Variants in ANKRD13A observed in about 807,000 individuals in gnomAD.
The protein encoded by ANKRD13A is ankyrin repeat domain 13A, also known as ankyrin repeat domain-containing protein 13A.
A neutral mutation model predicts 81.3 loss-of-function variants in ANKRD13A; 48 were observed. The observed-to-expected ratio is 0.59, with a 90% CI of 0.47 to 0.75. The LOEUF is 0.75. Among genes scored for constraint, ANKRD13A ranks in the 30% least tolerant of loss-of-function variants. ANKRD13A has a pLI of 0.00. For missense variants in ANKRD13A, 612 were observed against 734.0 expected (o/e 0.83, Z 1.92); for synonymous variants, 230 against 270.1 (o/e 0.85, Z 1.45).
chr12:109,999,290 CT>C (rs1566040544), upstream of ANKRD13A: 1 of 152,612 alleles, frequency 6.6e-6, no homozygotes, highest in African/African-American at 2.4e-5. This position sits in a 1 kb window ranked among gnomAD's most constrained non-coding sequence, Gnocchi z 4.3. Context: ...GTTCTGTGGG[CT>C]GCACTGAGTT....
chr12:110,025,965 T>TCTC, intron 8 of ANKRD13A, 142 bp downstream of exon 8: 2 of 166,722 alleles, frequency 1.2e-5, no homozygotes, highest in Non-Finnish European at 2.4e-5. Flanking sequence ...TCTCTCTCTC[T>TCTC]TTTTTTTTTT....
chr12:110,037,326 T>G (rs760553161), intron 14 of ANKRD13A, 33 bp from the exon 15 acceptor site: 3 of 1,592,118 alleles, frequency 1.9e-6, no homozygotes, highest in Non-Finnish European at 2.6e-6. Flanking sequence ...ATGATAGTAG[T>G]GACTCTCCCT....
At chr12:110,014,410 T>A (rs1890686017) in intron 3 of ANKRD13A, among the ~76,000 whole-genome samples, 1 of 152,142 alleles carries the variant, frequency 6.6e-6, no homozygotes, top group East Asian at 1.9e-4. Context: ...AGACTCCATC[T>A]CAAAAAATAA....
chr12:110,034,119 A>C (rs556002491), intron 13 of ANKRD13A, among the ~76,000 whole-genome samples, 162 bp downstream of exon 13: 35 of 152,270 alleles, frequency 2.3e-4, no homozygotes, highest in Admixed American at 1.6e-3. Context: ...TTCTTACAAA[A>C]GCTTGTTATG....
At chr12:110,029,760 C>A in intron 11 of ANKRD13A, 125 bp downstream of exon 11, 1 of 1,013,572 alleles carries the variant, frequency 9.9e-7, no homozygotes. Flanking sequence ...ATAGACATAA[C>A]AGAGGAGGTC....
chr12:110,016,549 T>C (rs527891439), intron 4 of ANKRD13A, 116 bp downstream of exon 4: 4 of 948,828 alleles, frequency 4.2e-6, no homozygotes, highest in Non-Finnish European at 6.1e-6. Flanking sequence ...AGGAAATACA[T>C]AGTGAAGAAT....
At chr12:110,024,244 C>T (rs1891212772) in intron 7 of ANKRD13A, 132 bp downstream of exon 7, 1 of 785,328 alleles carries the variant, frequency 1.3e-6, no homozygotes, top group South Asian at 2.0e-5. Context: ...TCTAATGTGT[C>T]TCTCACTTGG....
chr12:110,034,447 G>T (rs969280903), intron 13 of ANKRD13A, among the ~76,000 whole-genome samples: 1 of 152,090 alleles, frequency 6.6e-6, no homozygotes, highest in African/African-American at 2.4e-5. Context: ...TAGGCTTTGT[G>T]TGTGTGTGTG....
At position 110,012,056 on chromosome 12, in the gene ANKRD13A, T is replaced by A; in HGVS notation, c.148T>A (p.Ser50Thr). The A allele has an allele frequency of 6.2e-7, 1 of 1,613,592 alleles. No individual in the cohort carries two copies. ...TCGAACATTATTGCATCTTGCTGTT[T>A]CCTTGGGACATTTGGAATCTGCTCG... ...RGRTLLHLAV[S>T]LGHLESARVL... Residue 50 changes from serine (S) to threonine (T), a missense_variant, in exon 2 of 15, where the codon TCC becomes ACC. Ser to Thr is a moderately conservative substitution (Grantham distance 58, BLOSUM62 1). Transcript: ENST00000261739.
chr12:110,036,302 A>G lies in ANKRD13A; in HGVS notation c.1551A>G (p.Thr517=). 1.2e-6 allele frequency: 2 copies of G among 1,614,070 alleles called. No homozygotes were observed. The highest frequency in any genetic ancestry group is 1.7e-6 in the Non-Finnish European group (2 of 1,179,930). ...CTTCGAATGGAGGGATCAGCCAGAC[A>G]AACACCTATGACGCCCAGTATGAGA... is the stretch of plus-strand genomic sequence containing the variant. The part of the protein sequence containing the change: ...GPASNGGISQ[T]NTYDAQYERA... The change falls in exon 14 of 15, where the codon ACA becomes ACG. Residue 517 remains threonine, a synonymous_variant. Transcript: ENST00000261739. The surrounding 1 kb of genome is among the most constrained non-coding windows in gnomAD (Gnocchi z 4.6).
At chr12:110,024,353 A>C (rs1036491016) in intron 7 of ANKRD13A, among the ~76,000 whole-genome samples, 1 of 152,034 alleles carries the variant, frequency 6.6e-6, no homozygotes, top group Non-Finnish European at 1.5e-5. Context: ...TAGAGAAATG[A>C]GTACAGGTAC....
intron 1 of ANKRD13A, among the ~76,000 whole-genome samples, chr12:110,005,973 C>T (rs550186276): frequency 1.3e-5 from 2 of 152,100 alleles, no homozygotes; most frequent in South Asian, 2.1e-4. Flanking sequence ...TGCACCACCA[C>T]GCCTGGCTAA....
In ANKRD13A at chr12:110,024,040, T is replaced by TA. The variant is rs754154755; in HGVS notation, c.735-5dup. On this transcript the variant is annotated splice_region_variant and splice_polypyrimidine_tract_variant and intron_variant, in intron 6 of 14. Transcript: ENST00000261739. The stretch of plus-strand genomic sequence containing the variant: ...GTAGAAATTTGTGGTGTTCACTTTT[T>TA]ATCAGAACTAAATCCGGATTCTGGG... 1 of 1,613,366 alleles carries TA rather than the reference T, an allele frequency of 6.2e-7. No individual in the cohort carries two copies. Among genetic ancestry groups the TA allele is most frequent in the African/African-American group, 1.3e-5 (1 of 74,904 alleles).
intron 6 of ANKRD13A, chr12:110,023,779 C>A: frequency 2.7e-6 from 1 of 373,476 alleles, no homozygotes. Flanking sequence ...CACCTTTGTC[C>A]TCAATGCTGG....
intron 1 of ANKRD13A, among the ~76,000 whole-genome samples, chr12:110,004,628 T>C (rs911551884): frequency 6.6e-6 from 1 of 152,096 alleles, no homozygotes; most frequent in Non-Finnish European, 1.5e-5. Flanking sequence ...GGAGACTCTG[T>C]CTCAAAAGAA....
intron 11 of ANKRD13A, 36 bp from the exon 12 acceptor site, chr12:110,030,609 A>T: frequency 7.8e-7 from 1 of 1,274,302 alleles, no homozygotes; most frequent in Non-Finnish European, 1.1e-6. Context: ...ATTCTCAGTA[A>T]AGTTTACTTA....
chr12:110,025,355 CAAAAA>C (rs1039859014), intron 7 of ANKRD13A, among the ~76,000 whole-genome samples: 1 of 65,446 alleles, frequency 1.5e-5, no homozygotes, highest in Non-Finnish European at 3.2e-5. Context: ...GACTCTGTCT[CAAAAA>C]AAAAAAAAAA....
rs1268053584 is a variant in ANKRD13A at position 109,999,803 on chromosome 12, G to A, written c.96+19G>A. 5 of 1,524,640 alleles carry A rather than the reference G, an allele frequency of 3.3e-6. No homozygotes were observed. The highest frequency in any genetic ancestry group is 1.7e-4 in the Middle Eastern group (1 of 5,890). 94.4% of individuals were successfully genotyped at this position (1,524,640 alleles called of 1,614,324 possible). A position where few individuals can be genotyped will look rare whatever the true frequency, so the allele number is the denominator to read the frequency against. ...GGGCCAGGTGAGGGGCGGGGCGGGG[G>A]TCCGTCTCCCGGTGGGGACTTCGGG... On this transcript the variant is annotated intron_variant, in intron 1 of 14. Transcript: ENST00000261739. This position sits in a 1 kb window ranked among gnomAD's most constrained non-coding sequence, Gnocchi z 4.3.
chr12:110,010,877 T>G (rs1890483565), intron 1 of ANKRD13A, among the ~76,000 whole-genome samples: 1 of 152,246 alleles, frequency 6.6e-6, no homozygotes, highest in Non-Finnish European at 1.5e-5. Flanking sequence ...GGGTAGTTAG[T>G]ACCTGAATAA....
Sources: gnomAD v4.1 joint callset for allele counts (sites outside exome capture counted in the v4.1 genomes callset) on GRCh38, gnomAD v4.1.1 for gene constraint, Gnocchi (gnomAD v3.1) non-coding constraint, MANE v1.5 for transcripts, NCBI Gene and HGNC (gene_info 2026-07-23, HGNC 2026-07-21) for gene names.